SHC3: variants seen among roughly 807,000 people sequenced by gnomAD.
SHC3 encodes SHC-transforming protein 3.
SHC3 carries 15 observed loss-of-function variants against 60.4 expected under a neutral mutation model. The ratio of observed to expected loss-of-function variants is 0.25; its 90% confidence interval spans 0.17 to 0.38. The LOEUF (loss-of-function observed/expected upper bound fraction) is 0.38, where lower values mean the gene tolerates loss of function less well. Among genes scored for constraint, SHC3 ranks in the 10% least tolerant of loss-of-function variants. The probability of loss-of-function intolerance (pLI) is 1.00; values close to 1 mark genes in which losing one functional copy is unlikely to be tolerated. For synonymous variants in SHC3, 294 were observed against 325.9 expected (o/e 0.90, Z 1.05); for missense variants, 677 against 786.1 (o/e 0.86, Z 1.66).
chr9:89,148,960 G>A (rs932466764), intron 1 of SHC3, among the ~76,000 whole-genome samples: 1 of 152,152 alleles, frequency 6.6e-6, no homozygotes, highest in African/African-American at 2.4e-5. Flanking sequence ...GAGTCATACA[G>A]CCCTCAGTTA....
intron 2 of SHC3, among the ~76,000 whole-genome samples, chr9:89,102,008 G>T (rs1394454384): frequency 6.6e-6 from 1 of 151,998 alleles, no homozygotes; most frequent in East Asian, 1.9e-4. Flanking sequence ...ATAGATACAG[G>T]CCTATTCAGA....
intron 1 of SHC3, among the ~76,000 whole-genome samples, chr9:89,175,914 C>T (rs149025422): frequency 1.3e-5 from 2 of 152,138 alleles, no homozygotes; most frequent in African/African-American, 4.8e-5. Flanking sequence ...TGCACATGTG[C>T]GCCAACAGAG....
intron 2 of SHC3, among the ~76,000 whole-genome samples, chr9:89,108,232 G>A (rs185719311): frequency 6.6e-6 from 1 of 152,188 alleles, no homozygotes; most frequent in East Asian, 1.9e-4. Flanking sequence ...ACTATCCCTG[G>A]CCAGACACGG....
intron 1 of SHC3, among the ~76,000 whole-genome samples, chr9:89,166,842 T>C (rs1034684254): frequency 6.6e-6 from 1 of 152,108 alleles, no homozygotes; most frequent in African/African-American, 2.4e-5. Flanking sequence ...TATGTAATTA[T>C]AAGACAGGCG....
chr9:89,047,122 C>G, intron 7 of SHC3, 128 bp from the exon 8 acceptor site: 1 of 860,440 alleles, frequency 1.2e-6, no homozygotes, highest in Admixed American at 3.6e-5. Flanking sequence ...CCATCCAGGT[C>G]TCATGCATAG....
At chr9:89,174,779 A>G (rs1298111974) in intron 1 of SHC3, among the ~76,000 whole-genome samples, 2 of 152,200 alleles carry the variant, frequency 1.3e-5, no homozygotes, top group Non-Finnish European at 2.9e-5. Flanking sequence ...GCAGTTTCAG[A>G]GCTGAATGTC....
chr9:89,064,798 G>C (rs535707999), intron 6 of SHC3, among the ~76,000 whole-genome samples: 1 of 152,198 alleles, frequency 6.6e-6, no homozygotes, highest in South Asian at 2.1e-4. Flanking sequence ...AAAAAGAGAG[G>C]GTATGTATAC....
At chr9:89,095,081 A>AT (rs1825682340) in intron 2 of SHC3, among the ~76,000 whole-genome samples, 1 of 152,186 alleles carries the variant, frequency 6.6e-6, no homozygotes, top group South Asian at 2.1e-4. Context: ...CATTAAACAT[A>AT]TAATCGCCAT....
intron 9 of SHC3, among the ~76,000 whole-genome samples, chr9:89,045,206 G>A (rs62547194): frequency 0.037 from 5,629 of 152,160 alleles, 150 homozygotes; most frequent in Non-Finnish European, 0.057. Flanking sequence ...GACTGCAGAC[G>A]GGGTGTGAAT....
intron 1 of SHC3, among the ~76,000 whole-genome samples, chr9:89,124,773 C>T (rs1587740242): frequency 6.6e-6 from 1 of 151,758 alleles, no homozygotes; most frequent in African/African-American, 2.4e-5. Flanking sequence ...TAGATAGGTG[C>T]AGCAAATTAC....
chr9:89,174,609 G>C (rs560793942), intron 1 of SHC3, among the ~76,000 whole-genome samples: 28 of 152,216 alleles, frequency 1.8e-4, no homozygotes, highest in Non-Finnish European at 3.5e-4. Context: ...CTTGGCACTT[G>C]GGTCATTTCT....
At chr9:89,105,409 G>A (rs1422480400) in intron 2 of SHC3, among the ~76,000 whole-genome samples, 1 of 152,150 alleles carries the variant, frequency 6.6e-6, no homozygotes, top group Non-Finnish European at 1.5e-5. Context: ...CAAGGTTACT[G>A]AGAAAAGACC....
At chr9:89,023,802 G>C (rs182334476) in intron 11 of SHC3, among the ~76,000 whole-genome samples, 2 of 152,300 alleles carry the variant, frequency 1.3e-5, no homozygotes. Context: ...AATGTGCTCT[G>C]TTTGCCTGAC....
chr9:89,056,330 T>A (rs965754375), intron 6 of SHC3, among the ~76,000 whole-genome samples: 4 of 152,194 alleles, frequency 2.6e-5, no homozygotes, highest in African/African-American at 9.7e-5. Flanking sequence ...CACTGCAACC[T>A]CAGCCTCCTG....
intron 1 of SHC3, among the ~76,000 whole-genome samples, chr9:89,145,327 A>G (rs1587752216): frequency 6.6e-6 from 1 of 152,256 alleles, no homozygotes; most frequent in Non-Finnish European, 1.5e-5. Context: ...AATGCCTTGT[A>G]TAGATGGACT....
intron 1 of SHC3, among the ~76,000 whole-genome samples, chr9:89,168,024 A>G (rs977779734): frequency 1.1e-4 from 16 of 152,336 alleles, no homozygotes; most frequent in Admixed American, 8.5e-4. Context: ...AACCACAGCC[A>G]TGGGCCCTTG....
chr9:89,011,360 A>T lies in SHC3; in HGVS notation c.*2087T>A, dbSNP rs1826011626. On this transcript the variant is annotated 3_prime_UTR_variant, in exon 12 of 12. Transcript: ENST00000375835. ...AATGTTACAGCATTCACAGCTCCTA[A>T]CTTGCATTTCCTACTTTGCTATTGT... 1 of 152,214 alleles carries T rather than the reference A, an allele frequency of 6.6e-6. No homozygotes were observed. The highest frequency in any genetic ancestry group is 2.1e-4 in the South Asian group (1 of 4,834). 9.4% of individuals were successfully genotyped at this position (152,214 alleles called of 1,614,324 possible). A position where few individuals can be genotyped will look rare whatever the true frequency, so the allele number is the denominator to read the frequency against.
At position 89,059,911 on chromosome 9, in the gene SHC3, G is replaced by C. The variant is rs547567560; in HGVS notation, c.835+5618C>G. 5.6e-3 allele frequency among the ~76,000 whole-genome samples: 840 copies of C among 150,466 alleles called. 1 individual carries two copies. The highest frequency in any genetic ancestry group is 0.01 in the Non-Finnish European group (708 of 67,476). On this transcript the variant is annotated intron_variant, in intron 6 of 11. Transcript: ENST00000375835. ...CAGAGGATGGTGGTGTAGGACAGTGGTGGAGGATGTCATATAGGATGTGGT... is the reference window on the plus strand; with the variant it reads ...CAGAGGATGGTGGTGTAGGACAGTGCTGGAGGATGTCATATAGGATGTGGT...
At chr9:89,120,673 T>C (rs1022266764) in intron 1 of SHC3, among the ~76,000 whole-genome samples, 2 of 152,186 alleles carry the variant, frequency 1.3e-5, no homozygotes, top group African/African-American at 4.8e-5. Context: ...ACTTTATTTG[T>C]AGAACTCTAT....
Sources: gnomAD v4.1 joint callset for allele counts (sites outside exome capture counted in the v4.1 genomes callset) on GRCh38, gnomAD v4.1.1 for gene constraint, MANE v1.5 for transcripts, NCBI Gene and HGNC (gene_info 2026-07-23, HGNC 2026-07-21) for gene names.